GPHN: variants seen among roughly 807,000 people sequenced by gnomAD.
GPHN encodes the protein gephyrin.
A neutral mutation model predicts 95.5 loss-of-function variants in GPHN; 17 were observed. The observed-to-expected ratio is 0.18, with a 90% CI of 0.12 to 0.27. The LOEUF is 0.27. Ranked by LOEUF, GPHN falls within the 10% of genes least tolerant of loss-of-function variation. The pLI is 1.00. For missense variants in GPHN, 660 were observed against 978.1 expected, an observed-to-expected ratio of 0.67 and a Z score of 4.34; for synonymous variants, 320 against 322.5, an observed-to-expected ratio of 0.99 and a Z score of 0.08.
the GPHN span, among the ~76,000 whole-genome samples, chr14:67,582,590 G>A: frequency 3.3e-5 from 5 of 152,082 alleles, no homozygotes; most frequent in Non-Finnish European, 5.9e-5. The surrounding 1 kb of genome is among the most constrained non-coding windows in gnomAD (Gnocchi z 5.0). Context: ...AGGCCGAGGC[G>A]GGCAGATCAC....
chr14:67,620,507 C>A, the GPHN span, among the ~76,000 whole-genome samples: 1 of 152,136 alleles, frequency 6.6e-6, no homozygotes, highest in African/African-American at 2.4e-5. Flanking sequence ...TCTTCTGGAT[C>A]CATTCACTCA....
chr14:67,412,022 T>G, the GPHN span: 1 of 1,556,376 alleles, frequency 6.4e-7, no homozygotes, highest in East Asian at 2.6e-5. Context: ...ACTCACCCTC[T>G]TGACCAGGAA....
intron 5 of GPHN, among the ~76,000 whole-genome samples, chr14:66,883,050 T>G (rs1014166252): frequency 1.3e-5 from 2 of 151,834 alleles, no homozygotes; most frequent in African/African-American, 4.8e-5. Context: ...TAGTTTTCTT[T>G]TAGATTATCC....
intron 1 of GPHN, among the ~76,000 whole-genome samples, chr14:66,565,789 A>G (rs2060438395): frequency 6.6e-6 from 1 of 152,196 alleles, no homozygotes; most frequent in Non-Finnish European, 1.5e-5. Flanking sequence ...GAACTAACAG[A>G]TATTAACTTA....
chr14:66,595,338 G>A (rs1003612229), intron 1 of GPHN, among the ~76,000 whole-genome samples: 1 of 152,188 alleles, frequency 6.6e-6, no homozygotes, highest in African/African-American at 2.4e-5. Context: ...TCAAAGAGAT[G>A]CCTGTATTTC....
chr14:66,670,884 T>A (rs952334443), intron 1 of GPHN, among the ~76,000 whole-genome samples: 32 of 152,222 alleles, frequency 2.1e-4, no homozygotes, highest in Admixed American at 6.5e-5. Context: ...ACCTAGGTAC[T>A]TATAAGAAAG....
intron 9 of GPHN, among the ~76,000 whole-genome samples, chr14:67,003,121 A>G (rs866161041): frequency 1.3e-5 from 2 of 151,668 alleles, no homozygotes; most frequent in Admixed American, 6.6e-5. Context: ...TCACTTTCCC[A>G]TTTAGTGTCT....
intron 4 of GPHN, among the ~76,000 whole-genome samples, chr14:66,874,967 A>G (rs2063588270): frequency 6.6e-6 from 1 of 152,152 alleles, no homozygotes; most frequent in Non-Finnish European, 1.5e-5. Context: ...CAGATTCACC[A>G]ACGTTGGAAT....
intron 1 of GPHN, 80 bp downstream of exon 1, chr14:66,508,671 C>T (rs1242180463): frequency 2.7e-5 from 33 of 1,234,202 alleles, no homozygotes; most frequent in Non-Finnish European, 3.7e-5. Flanking sequence ...GGTGGCCCTT[C>T]TCTGCGGCCT....
At chr14:67,397,058 C>A in the GPHN span, among the ~76,000 whole-genome samples, 2 of 107,538 alleles carry the variant, frequency 1.9e-5, no homozygotes, top group East Asian at 7.5e-4. Context: ...CCTGCCTCAG[C>A]CTCCCAAGTA....
At position 66,733,219 on chromosome 14, in the gene GPHN, A is replaced by C. The variant is rs1056064228; in HGVS notation, c.144-43245A>C. On this transcript the variant is annotated intron_variant, in intron 2 of 22. Transcript: ENST00000478722. ...CTAGGTCTCTCTTGCTTGTCGCCACATAAGACATGCCTGCCTCCCCCTCCA... is the reference window on the plus strand; with the variant it reads ...CTAGGTCTCTCTTGCTTGTCGCCACCTAAGACATGCCTGCCTCCCCCTCCA... Among the ~76,000 whole-genome samples, 14 of 151,886 alleles carry C rather than the reference A, an allele frequency of 9.2e-5. No homozygotes were observed. The East Asian group carries it at 2.5e-3, about 27-fold the overall frequency.
chr14:66,848,621 TGACC>T (rs890786241), intron 4 of GPHN, among the ~76,000 whole-genome samples: 44 of 152,170 alleles, frequency 2.9e-4, no homozygotes, highest in Middle Eastern at 3.4e-3. Context: ...CAGCATAAAA[TGACC>T]TTTTTATTGT....
intron 4 of GPHN, among the ~76,000 whole-genome samples, chr14:66,852,520 G>A (rs1196049425): frequency 6.6e-6 from 1 of 152,216 alleles, no homozygotes; most frequent in Non-Finnish European, 1.5e-5. Flanking sequence ...TAAGCAGAAT[G>A]AACTTAGTTC....
chr14:67,590,697 T>A, the GPHN span, among the ~76,000 whole-genome samples: 1 of 152,280 alleles, frequency 6.6e-6, no homozygotes, highest in South Asian at 2.1e-4. Flanking sequence ...TCAAGGGGTA[T>A]AAATGACACA....
chr14:67,353,140 G>A, the GPHN span: 1 of 849,640 alleles, frequency 1.2e-6, no homozygotes, highest in East Asian at 2.6e-5. Flanking sequence ...ATCCTTTGAT[G>A]TGATGAAAGT....
chr14:67,723,523 C>G, the GPHN span, among the ~76,000 whole-genome samples: 36 of 152,314 alleles, frequency 2.4e-4, no homozygotes, highest in African/African-American at 8.2e-4. Context: ...GCATGAGCCA[C>G]TGGGCTCAGC....
At chr14:66,916,757 C>G (rs1313321682) in intron 6 of GPHN, among the ~76,000 whole-genome samples, 1 of 152,194 alleles carries the variant, frequency 6.6e-6, no homozygotes, top group East Asian at 1.9e-4. Context: ...TCTCCTCCAA[C>G]TAGTTAAGGG....
At chr14:67,395,205 G>A in the GPHN span, among the ~76,000 whole-genome samples, 1 of 152,168 alleles carries the variant, frequency 6.6e-6, no homozygotes, top group Non-Finnish European at 1.5e-5. Context: ...CCATAGGAAT[G>A]GGGCAGGTAG....
the GPHN span, among the ~76,000 whole-genome samples, chr14:67,393,457 TTTTG>T: frequency 1.3e-5 from 2 of 152,034 alleles, no homozygotes; most frequent in Admixed American, 1.3e-4. Context: ...TGTTGTTGTT[TTTTG>T]TTTGTTTTTT....
Sources: allele counts gnomAD v4.1 joint callset (sites outside exome capture counted in the v4.1 genomes callset), GRCh38; gene constraint gnomAD v4.1.1; non-coding constraint Gnocchi (gnomAD v3.1); transcripts MANE v1.5; gene names NCBI Gene and HGNC (gene_info 2026-07-23, HGNC 2026-07-21).